ADGRE1: variants seen among roughly 807,000 people sequenced by gnomAD.
The protein encoded by ADGRE1 is EGF-like module receptor 1.
In ADGRE1, 82 loss-of-function variants were observed where a neutral mutation model predicts 102.7. The ratio of observed to expected loss-of-function variants is 0.80; its 90% CI spans 0.67 to 0.96. The LOEUF is 0.96. Among genes scored for constraint, ADGRE1 ranks in the 40% least tolerant of loss-of-function variants. The pLI, the probability that ADGRE1 is intolerant of heterozygous loss-of-function variation, is 0.00. For synonymous variants in ADGRE1, 398 were observed against 399.6 expected (o/e 1.00, Z 0.05); for missense variants, 1,032 against 1,085.3 (o/e 0.95, Z 0.69).
intron 10 of ADGRE1, among the ~76,000 whole-genome samples, chr19:6,912,212 A>C (rs763322394): frequency 5.7e-4 from 87 of 152,006 alleles, no homozygotes; most frequent in Admixed American, 7.2e-4. Context: ...ATACACACAT[A>C]TACACACACC....
At chr19:6,893,137 C>T (rs1973436851) in intron 2 of ADGRE1, among the ~76,000 whole-genome samples, 1 of 152,164 alleles carries the variant, frequency 6.6e-6, no homozygotes, top group African/African-American at 2.4e-5. Context: ...TAATGTCCTC[C>T]AGTCCTCCAG....
intron 5 of ADGRE1, 95 bp downstream of exon 5, chr19:6,897,642 G>A (rs976735755): frequency 2.8e-5 from 38 of 1,334,536 alleles, no homozygotes; most frequent in Non-Finnish European, 3.1e-5. Flanking sequence ...CTCATGTAGG[G>A]ATAAGAAAAT....
intron 20 of ADGRE1, 140 bp downstream of exon 20, chr19:6,937,788 T>C (rs1812840764): frequency 3.1e-6 from 2 of 640,102 alleles, no homozygotes; most frequent in Admixed American, 5.5e-5. Context: ...AAGTGTGGAG[T>C]TGAAGACTGG....
At chr19:6,915,856 G>A (rs1042216178) in intron 11 of ADGRE1, among the ~76,000 whole-genome samples, 3 of 139,846 alleles carry the variant, frequency 2.1e-5, no homozygotes, top group African/African-American at 7.8e-5. Context: ...GGGAGGCAGA[G>A]CTTGCAGTGA....
intron 9 of ADGRE1, among the ~76,000 whole-genome samples, chr19:6,907,767 T>A (rs1232737493): frequency 1.3e-5 from 2 of 152,248 alleles, no homozygotes; most frequent in African/African-American, 4.8e-5. Flanking sequence ...AGAAATGGAA[T>A]CATGCAATGT....
At position 6,897,149 on chromosome 19, in the gene ADGRE1, A is replaced by G. The variant is rs751526810; in HGVS notation, c.239A>G (p.Asp80Gly). The G allele has an allele frequency of 6.2e-7, 1 of 1,605,166 alleles. No individual in the cohort carries two copies. The highest frequency in any genetic ancestry group is 1.1e-5 in the South Asian group (1 of 90,820). ...TTTGTAACTCCAATTCTCTGTCTAG[A>G]TATTGATGAATGTTCTCAAAGCCCC... Reference protein sequence around the residue: ...HFKDPGVRCKDIDECSQSPQP... With the variant: ...HFKDPGVRCKGIDECSQSPQP... Residue 80 changes from aspartate to glycine, a missense_variant and splice_region_variant, in exon 4 of 21, where the codon GAT (aspartate) becomes GGT (glycine). Asp to Gly is a moderately conservative substitution (Grantham distance 94). Coordinates refer to ENST00000312053, the MANE Select transcript of ADGRE1 (RefSeq NM_001974.5).
chr19:6,890,525 C>A lies in ADGRE1; in HGVS notation c.76C>A (p.Arg26=), dbSNP rs200733955. 3 of 1,610,006 alleles carry A rather than the reference C, an allele frequency of 1.9e-6. No homozygotes were observed. Reference sequence around the variant, plus strand: ...CTGGGAAGGGCACATAAGACCCACACGGAAACCAAACACAAAGGGTAAGTT... The same window carrying A: ...CTGGGAAGGGCACATAAGACCCACAAGGAAACCAAACACAAAGGGTAAGTT... The part of the protein sequence containing the change: ...HSWEGHIRPT[R]KPNTKGNNCR... Residue 26 remains arginine, a synonymous_variant, in exon 2 of 21, where the codon CGG becomes AGG. Transcript: ENST00000312053.
chr19:6,897,184 G>C lies in ADGRE1; in HGVS notation c.274G>C (p.Gly92Arg), dbSNP rs112217832. 9.7e-3 allele frequency: 15,687 copies of C among 1,610,958 alleles called. 145 individuals carry two copies. The highest frequency in any genetic ancestry group is 9.7e-3 in the Non-Finnish European group (11,389 of 1,179,550). ...DECSQSPQPCGPNSSCKNLSG... is the reference protein window; with the variant it reads ...DECSQSPQPCRPNSSCKNLSG... ...ATGTTCTCAAAGCCCCCAGCCCTGT[G>C]GTCCTAACTCATCCTGCAAAAACCT... is the stretch of plus-strand genomic sequence containing the variant. The change falls in exon 4 of 21, where the codon GGT (glycine) becomes CGT (arginine). Residue 92 changes from glycine to arginine, a missense_variant. By Grantham distance (125) the Gly-to-Arg change is moderately radical (BLOSUM62 -2). Transcript: ENST00000312053.
intron 17 of ADGRE1, among the ~76,000 whole-genome samples, chr19:6,930,321 C>T (rs1272126134): frequency 1.3e-5 from 2 of 152,230 alleles, no homozygotes. Context: ...ACACCCATCT[C>T]TTTGCCTCCC....
Position 6,906,185 on chromosome 19 carries a change from C to T in ADGRE1, c.950-248C>T, listed in dbSNP as rs113084556. 3.5e-3 allele frequency among the ~76,000 whole-genome samples: 532 copies of T among 152,212 alleles called. 5 individuals carry two copies. Among genetic ancestry groups the T allele is most frequent in the African/African-American group, 0.012 (494 of 41,530 alleles). ...CATATAAAAGACATACATCCACAATCATATGCATGATTGCCTCTAAGAGGC... is the reference window on the plus strand; with the variant it reads ...CATATAAAAGACATACATCCACAATTATATGCATGATTGCCTCTAAGAGGC... On this transcript the variant is annotated intron_variant, in intron 8 of 20. Transcript: ENST00000312053.
intron 9 of ADGRE1, among the ~76,000 whole-genome samples, chr19:6,908,168 T>C (rs1384253450): frequency 6.6e-6 from 1 of 152,278 alleles, no homozygotes; most frequent in Non-Finnish European, 1.5e-5. Context: ...CTTAAGGACA[T>C]GCTCCTGCTG....
intron 1 of ADGRE1, among the ~76,000 whole-genome samples, chr19:6,888,993 AATGGTGATGATGATGGTG>A (rs1193079763): frequency 1.3e-5 from 2 of 151,972 alleles, no homozygotes; most frequent in African/African-American, 4.8e-5. Context: ...TGATGATGAA[AATGGTGATGATGATGGTG>A]ATGGTGATGA....
intron 10 of ADGRE1, among the ~76,000 whole-genome samples, chr19:6,909,708 G>A (rs1025776754): frequency 3.3e-5 from 5 of 151,834 alleles, no homozygotes; most frequent in Admixed American, 3.3e-4. Flanking sequence ...ATTGGTTGGT[G>A]GTTTTTTTTG....
At chr19:6,909,237 T>G (rs1413859640) in intron 10 of ADGRE1, among the ~76,000 whole-genome samples, 1 of 152,194 alleles carries the variant, frequency 6.6e-6, no homozygotes, top group East Asian at 1.9e-4. Flanking sequence ...TAGCATACAG[T>G]AAAATTACCT....
intron 16 of ADGRE1, among the ~76,000 whole-genome samples, chr19:6,927,660 T>C (rs1344819762): frequency 1.3e-5 from 2 of 151,982 alleles, no homozygotes. Flanking sequence ...TATTTATTTA[T>C]TTGTTATTTA....
At chr19:6,889,003 ATGATGG>A (rs1211186595) in intron 1 of ADGRE1, among the ~76,000 whole-genome samples, 6 of 152,110 alleles carry the variant, frequency 3.9e-5, no homozygotes, top group African/African-American at 1.4e-4. Flanking sequence ...AATGGTGATG[ATGATGG>A]TGATGGTGAT....
intron 14 of ADGRE1, among the ~76,000 whole-genome samples, chr19:6,922,862 G>A (rs1349210475): frequency 2.0e-5 from 3 of 152,058 alleles, no homozygotes; most frequent in Admixed American, 6.5e-5. Context: ...CAGATCACAA[G>A]GTCAGGAGAT....
At chr19:6,906,651 C>T in intron 9 of ADGRE1, 130 bp downstream of exon 9, 1 of 712,576 alleles carries the variant, frequency 1.4e-6, no homozygotes, top group Non-Finnish European at 2.4e-6. Context: ...TATTTTTCTC[C>T]TCTGTAACCT....
Position 6,918,560 on chromosome 19 carries a change from G to A in ADGRE1, c.1421-988G>A, listed in dbSNP as rs923257579. Reference sequence around the variant, plus strand: ...GTTGGGACAGGAAGCGGCATAGGACGTATCCCTGGAGACCGTCCATATTTA... The same window carrying A: ...GTTGGGACAGGAAGCGGCATAGGACATATCCCTGGAGACCGTCCATATTTA... On this transcript the variant is annotated intron_variant, in intron 12 of 20. Transcript: ENST00000312053. Among the ~76,000 whole-genome samples, 7 of 152,246 alleles carry A rather than the reference G, an allele frequency of 4.6e-5. 1 individual carries two copies. Among genetic ancestry groups the A allele is most frequent in the East Asian group, 1.9e-4 (1 of 5,174 alleles).
Sources: allele counts gnomAD v4.1 joint callset (sites outside exome capture counted in the v4.1 genomes callset), GRCh38; gene constraint gnomAD v4.1.1; transcripts MANE v1.5; gene names NCBI Gene and HGNC (gene_info 2026-07-23, HGNC 2026-07-21).